The following PDE8A variants were observed in gnomAD, a reference collection of about 807,000 sequenced individuals.
PDE8A encodes the protein phosphodiesterase 8A, also known as high affinity cAMP-specific and IBMX-insensitive 3',5'-cyclic phosphodiesterase 8A.
Under a neutral mutation model 105.0 loss-of-function variants are expected in PDE8A, and 59 were observed. That is an observed-to-expected ratio of 0.56 (90% CI 0.46 to 0.70). PDE8A has a LOEUF of 0.70. Ranked by LOEUF, PDE8A falls within the 30% of genes least tolerant of loss-of-function variation. PDE8A has a pLI of 0.00. For missense variants in PDE8A, 1,014 were observed against 1,045.9 expected (o/e 0.97, Z 0.42); for synonymous variants, 355 against 371.9 (o/e 0.95, Z 0.52).
chr15:85,125,012 T>G (rs1471061407), intron 19 of PDE8A, among the ~76,000 whole-genome samples: 4 of 152,158 alleles, frequency 2.6e-5, no homozygotes, highest in Non-Finnish European at 5.9e-5. Context: ...GAGAATAGTT[T>G]CCAGGCTGGC....
intron 1 of PDE8A, among the ~76,000 whole-genome samples, chr15:85,014,059 C>G (rs1436009032): frequency 6.6e-6 from 1 of 152,180 alleles, no homozygotes; most frequent in Non-Finnish European, 1.5e-5. Flanking sequence ...ATTACATATA[C>G]CAGCCTTGAT....
At chr15:84,984,745 G>A (rs1048802291) in intron 1 of PDE8A, among the ~76,000 whole-genome samples, 13 of 152,118 alleles carry the variant, frequency 8.5e-5, no homozygotes, top group Admixed American at 2.6e-4. Flanking sequence ...CCGTGGTCTG[G>A]TAAGTTTTTG....
At chr15:85,081,568 G>A (rs2081467290) in intron 5 of PDE8A, among the ~76,000 whole-genome samples, 1 of 152,156 alleles carries the variant, frequency 6.6e-6, no homozygotes. Flanking sequence ...GTGGAAGAAG[G>A]TTAAGGGAGA....
intron 11 of PDE8A, among the ~76,000 whole-genome samples, chr15:85,106,244 C>T (rs1023097007): frequency 1.3e-5 from 2 of 152,050 alleles, no homozygotes; most frequent in African/African-American, 4.8e-5. Flanking sequence ...ATCTTGGCTG[C>T]AGCTACAAGA....
intron 1 of PDE8A, among the ~76,000 whole-genome samples, chr15:84,992,817 T>G (rs1421372293): frequency 6.6e-6 from 1 of 152,132 alleles, no homozygotes; most frequent in Non-Finnish European, 1.5e-5. Flanking sequence ...GTACAGTGCT[T>G]TATGGTTTAC....
intron 1 of PDE8A, among the ~76,000 whole-genome samples, chr15:85,022,760 C>A (rs1878112000): frequency 6.6e-6 from 1 of 151,798 alleles, no homozygotes; most frequent in African/African-American, 2.4e-5. Context: ...ACCATGTTGG[C>A]CAGGCTAGTT....
At chr15:85,130,821 A>T (rs1311752764) in intron 20 of PDE8A, among the ~76,000 whole-genome samples, 1 of 152,180 alleles carries the variant, frequency 6.6e-6, no homozygotes, top group Non-Finnish European at 1.5e-5. Flanking sequence ...GTGCAGTGGC[A>T]CAATCTTGGC....
intron 18 of PDE8A, among the ~76,000 whole-genome samples, chr15:85,121,788 TC>T (rs781108851): frequency 2.6e-5 from 4 of 152,132 alleles, no homozygotes; most frequent in Non-Finnish European, 5.9e-5. Context: ...CCCCCTCAAC[TC>T]CCCTAGTCCT....
At chr15:85,063,956 CATTGTCCATCAGGAAAA>C (rs2081183783) in intron 1 of PDE8A, 1 of 159,592 alleles carries the variant, frequency 6.3e-6, no homozygotes, top group South Asian at 1.9e-4. Flanking sequence ...TGTAAGATTT[CATTGTCCATCAGGAAAA>C]AAATGGAAAT....
intron 8 of PDE8A, among the ~76,000 whole-genome samples, chr15:85,092,712 T>TAG (rs2081666519): frequency 6.6e-6 from 1 of 151,992 alleles, no homozygotes; most frequent in African/African-American, 2.4e-5. Context: ...AGGAGGCAAG[T>TAG]AGAGGTAAGG....
At chr15:85,081,931 A>AT (rs904911283) in intron 5 of PDE8A, among the ~76,000 whole-genome samples, 3 of 152,120 alleles carry the variant, frequency 2.0e-5, no homozygotes, top group African/African-American at 7.2e-5. Context: ...AAATGGATAA[A>AT]TACACATTCC....
At chr15:85,064,681 C>T (rs759531257) in intron 2 of PDE8A, among the ~76,000 whole-genome samples, 5 of 152,088 alleles carry the variant, frequency 3.3e-5, no homozygotes, top group Admixed American at 6.5e-5. Context: ...AGGTCAGGCA[C>T]GGTGGCTCAT....
chr15:84,991,873 A>C (rs1456277031), intron 1 of PDE8A, among the ~76,000 whole-genome samples: 1 of 152,092 alleles, frequency 6.6e-6, no homozygotes, highest in Admixed American at 6.5e-5. Context: ...ATAGGCTGGG[A>C]GTGGTGGCTC....
chr15:85,048,225 G>C (rs1164837703), intron 1 of PDE8A, among the ~76,000 whole-genome samples: 1 of 151,968 alleles, frequency 6.6e-6, no homozygotes, highest in Non-Finnish European at 1.5e-5. Flanking sequence ...TTAATTCCTA[G>C]TTTGCTTCGT....
At chr15:85,070,802 C>T (rs781764046) in intron 3 of PDE8A, among the ~76,000 whole-genome samples, 2 of 152,082 alleles carry the variant, frequency 1.3e-5, no homozygotes, top group African/African-American at 2.4e-5. Flanking sequence ...ATAGATTCTG[C>T]GCAGGAAAGT....
chr15:85,085,541 T>C (rs1011764010), intron 6 of PDE8A, among the ~76,000 whole-genome samples: 66 of 147,890 alleles, frequency 4.5e-4, no homozygotes, highest in Admixed American at 1.3e-3. Flanking sequence ...CTATTAAAAA[T>C]ACTAAAATTA....
At chr15:85,004,600 A>C (rs1427663882) in intron 1 of PDE8A, among the ~76,000 whole-genome samples, 1 of 152,236 alleles carries the variant, frequency 6.6e-6, no homozygotes. Flanking sequence ...CTAATACTTT[A>C]AGATTAATTT....
chr15:85,054,923 T>C (rs1488755347), intron 1 of PDE8A, among the ~76,000 whole-genome samples: 1 of 152,218 alleles, frequency 6.6e-6, no homozygotes, highest in African/African-American at 2.4e-5. Flanking sequence ...TTTTAGATCT[T>C]TTCCTGCTTT....
In PDE8A at chr15:84,997,036, C is replaced by T. The variant is rs377501867; in HGVS notation, c.186+14688C>T. 4.6e-5 allele frequency among the ~76,000 whole-genome samples: 7 copies of T among 151,892 alleles called. No individual in the cohort carries two copies. In the East Asian group the frequency reaches 9.6e-4, roughly 21 times the overall value. ...TTTGTTTTAAAAATTTTTATTTCTTCGATAATCTCAGCTTACTGTAACTTT... is the reference window on the plus strand; with the variant it reads ...TTTGTTTTAAAAATTTTTATTTCTTTGATAATCTCAGCTTACTGTAACTTT... On this transcript the variant is annotated intron_variant, in intron 1 of 21. Coordinates refer to ENST00000394553, the MANE Select transcript of PDE8A (RefSeq NM_002605.3).
Sources: allele counts gnomAD v4.1 joint callset (sites outside exome capture counted in the v4.1 genomes callset), GRCh38; gene constraint gnomAD v4.1.1; transcripts MANE v1.5; gene names NCBI Gene and HGNC (gene_info 2026-07-23, HGNC 2026-07-21).